Variants in ARID3A observed in about 807,000 individuals in gnomAD.
ARID3A encodes the protein AT-rich interactive domain-containing protein 3A.
A neutral mutation model predicts 52.7 loss-of-function variants in ARID3A; 11 were observed. The ratio of observed to expected loss-of-function variants is 0.21; its 90% confidence interval spans 0.13 to 0.35. The LOEUF is 0.35. ARID3A is among the 10% of genes least tolerant of loss of function. ARID3A has a pLI of 1.00. For missense variants in ARID3A, 721 were observed against 838.5 expected, an observed-to-expected ratio of 0.86 and a Z score of 1.73; for synonymous variants, 404 against 359.4, an observed-to-expected ratio of 1.12 and a Z score of -1.40.
At chr19:926,161 C>G (rs1444461585) in intron 1 of ARID3A, 102 bp downstream of exon 1, 1 of 149,324 alleles carries the variant, frequency 6.7e-6, no homozygotes, top group Non-Finnish European at 1.5e-5. Context: ...CGACCCCAGG[C>G]GCGGGGCGCG....
chr19:943,106 C>A (rs2037592175), intron 3 of ARID3A, among the ~76,000 whole-genome samples: 1 of 151,848 alleles, frequency 6.6e-6, no homozygotes, highest in Non-Finnish European at 1.5e-5. Context: ...CCTGTCTCTA[C>A]ACAAATTAGC....
intron 3 of ARID3A, among the ~76,000 whole-genome samples, chr19:946,096 G>A (rs538624358): frequency 6.6e-6 from 1 of 152,284 alleles, no homozygotes; most frequent in Admixed American, 6.5e-5. Context: ...GGAGCATGAG[G>A]GCGTATTGTG....
At chr19:954,882 C>T (rs1370327146) in intron 3 of ARID3A, among the ~76,000 whole-genome samples, 1 of 152,174 alleles carries the variant, frequency 6.6e-6, no homozygotes, top group African/African-American at 2.4e-5. Flanking sequence ...CACCCGACCC[C>T]TCCCGTGATC....
chr19:960,029 G>A lies in ARID3A; in HGVS notation c.694-63G>A. 6.8e-7 allele frequency: 1 copy of A among 1,469,630 alleles called. No homozygotes were observed. Among genetic ancestry groups the A allele is most frequent in the Non-Finnish European group, 9.4e-7 (1 of 1,059,426 alleles). 91.0% of individuals were successfully genotyped at this position (1,469,630 alleles called of 1,614,324 possible). A position where few individuals can be genotyped will look rare whatever the true frequency, so the allele number is the denominator to read the frequency against. On this transcript the variant is annotated intron_variant, in intron 3 of 8. Transcript: ENST00000263620. This position sits in a 1 kb window ranked among gnomAD's most constrained non-coding sequence, Gnocchi z 4.3. ...TCCTGACCTGGCCTCCAGTGCAGGA[G>A]GGACATGGTTCCCACACCTGAGCTC...
intron 4 of ARID3A, among the ~76,000 whole-genome samples, chr19:962,245 CCT>C (rs1354070599): frequency 2.0e-5 from 3 of 151,822 alleles, no homozygotes; most frequent in Non-Finnish European, 4.4e-5. Context: ...TTTTTTTTCC[CCT>C]GTGTCACAAA....
intron 8 of ARID3A, among the ~76,000 whole-genome samples, chr19:970,498 CTTTTTTTTTTTTTTTTTT>C (rs1177419405): frequency 2.3e-5 from 2 of 88,346 alleles, no homozygotes; most frequent in African/African-American, 9.3e-5. Flanking sequence ...AATAGTTTTT[CTTTTTTTTTTTTTTTTTT>C]TTTTTTTTTG....
intron 3 of ARID3A, among the ~76,000 whole-genome samples, chr19:955,277 G>A (rs1213984160): frequency 1.3e-5 from 2 of 152,182 alleles, no homozygotes; most frequent in Non-Finnish European, 2.9e-5. Flanking sequence ...CAGGGGAGCG[G>A]AACCGGGGGC....
chr19:952,441 CAAAAAAAAAAAAAAAAAA>C (rs10663796), intron 3 of ARID3A, among the ~76,000 whole-genome samples: 1 of 59,768 alleles, frequency 1.7e-5, no homozygotes, highest in African/African-American at 6.3e-5. Flanking sequence ...GACCCTGTCT[CAAAAAAAAAAAAAAAAAA>C]AAAAAAAAGG....
chr19:963,011 C>T (rs2038075652), intron 4 of ARID3A, among the ~76,000 whole-genome samples: 1 of 152,188 alleles, frequency 6.6e-6, no homozygotes, highest in Admixed American at 6.5e-5. Flanking sequence ...GGATCTCCTC[C>T]ATTCACTGGG....
intron 3 of ARID3A, among the ~76,000 whole-genome samples, chr19:934,950 C>CGCCGAT (rs1481095297): frequency 6.6e-6 from 1 of 152,172 alleles, no homozygotes; most frequent in African/African-American, 2.4e-5. Context: ...CAGGTCCAGC[C>CGCCGAT]GCCGATGCCG....
intron 2 of ARID3A, among the ~76,000 whole-genome samples, chr19:930,726 G>C (rs951072674): frequency 6.6e-6 from 1 of 150,734 alleles, no homozygotes; most frequent in African/African-American, 2.4e-5. Context: ...AGCCAAGATG[G>C]TCTCGATCTC....
chr19:940,098 G>C (rs1483144813), intron 3 of ARID3A, among the ~76,000 whole-genome samples: 2 of 152,020 alleles, frequency 1.3e-5, no homozygotes, highest in Non-Finnish European at 2.9e-5. Context: ...GGGCATTGGG[G>C]CTGGGGCTTT....
chr19:927,602 C>T (rs1599376940), intron 1 of ARID3A, among the ~76,000 whole-genome samples: 1 of 144,798 alleles, frequency 6.9e-6, no homozygotes, highest in African/African-American at 2.6e-5. Flanking sequence ...TGGGGGGGGC[C>T]TTGTCTTGAA....
chr19:946,509 T>G (rs10406847), intron 3 of ARID3A, among the ~76,000 whole-genome samples: 1 of 143,988 alleles, frequency 6.9e-6, no homozygotes, highest in African/African-American at 2.6e-5. Context: ...GTCGCGGTCT[T>G]GGCTCACTGC....
In ARID3A at chr19:960,321, G is replaced by T. The variant is rs972846169; in HGVS notation, c.766+157G>T. On this transcript the variant is annotated intron_variant, in intron 4 of 8. Coordinates refer to ENST00000263620, the MANE Select transcript of ARID3A (RefSeq NM_005224.3). This position sits in a 1 kb window ranked among gnomAD's most constrained non-coding sequence, Gnocchi z 4.3. ...CGGGAGGGACTTCAGGGGTGTCTTG[G>T]GGGGAAACACATCCTGCCATGGAGG... is the stretch of plus-strand genomic sequence containing the variant. Among the ~76,000 whole-genome samples the T allele has an allele frequency of 1.3e-5, 2 of 152,096 alleles. No homozygotes were observed. The highest frequency in any genetic ancestry group is 6.6e-5 in the Admixed American group (1 of 15,262).
intron 4 of ARID3A, among the ~76,000 whole-genome samples, chr19:961,352 C>T (rs1001486436): frequency 1.9e-4 from 29 of 152,342 alleles, no homozygotes; most frequent in Admixed American, 9.8e-4. Flanking sequence ...CAGCGGCCTC[C>T]GAGTTAACCC....
At chr19:965,594 T>C (rs144460176) in intron 6 of ARID3A, among the ~76,000 whole-genome samples, 5 of 151,602 alleles carry the variant, frequency 3.3e-5, no homozygotes, top group African/African-American at 1.2e-4. Flanking sequence ...CCCAGGAAGC[T>C]GAGGTGGTCA....
Position 927,593 on chromosome 19 carries a change from G to T in ARID3A, c.-268+1534G>T, listed in dbSNP as rs539798946. Among the ~76,000 whole-genome samples, 1,024 of 150,992 alleles carry T rather than the reference G, an allele frequency of 6.8e-3. 14 individuals carry two copies. Among genetic ancestry groups the T allele is most frequent in the African/African-American group, 0.023 (948 of 41,192 alleles). On this transcript the variant is annotated intron_variant, in intron 1 of 8. Coordinates refer to ENST00000263620, the MANE Select transcript of ARID3A (RefSeq NM_005224.3). ...GGGGCTTTGCTTGGAGCTCTTCCGT[G>T]GGGGGGGCCTTGTCTTGAAGTTGTC...
chr19:926,554 A>T (rs1050935711), intron 1 of ARID3A, among the ~76,000 whole-genome samples: 3 of 151,626 alleles, frequency 2.0e-5, no homozygotes, highest in Non-Finnish European at 4.4e-5. Context: ...TCAGGGATTT[A>T]TTCGGGAGCC....
Sources: gnomAD v4.1 joint callset for allele counts (sites outside exome capture counted in the v4.1 genomes callset) on GRCh38, gnomAD v4.1.1 for gene constraint, Gnocchi (gnomAD v3.1) non-coding constraint, MANE v1.5 for transcripts, NCBI Gene and HGNC (gene_info 2026-07-23, HGNC 2026-07-21) for gene names.